Variants in PDE4D observed in about 807,000 individuals in gnomAD.
The protein encoded by PDE4D is 3',5'-cyclic-AMP phosphodiesterase 4D.
PDE4D carries 24 observed loss-of-function variants against 87.4 expected under a neutral mutation model. The observed-to-expected ratio is 0.27, with a 90% confidence interval of 0.20 to 0.39. The LOEUF (loss-of-function observed/expected upper bound fraction) is 0.39. PDE4D is among the 10% of genes least tolerant of loss of function. The pLI is 1.00. For missense variants in PDE4D, 714 were observed against 1,041.0 expected (o/e 0.69, Z 4.32); for synonymous variants, 384 against 383.2 (o/e 1.00, Z -0.02).
chr5:60,188,601 G>C (rs189439031), intron 1 of PDE4D, among the ~76,000 whole-genome samples: 11 of 152,266 alleles, frequency 7.2e-5, no homozygotes, highest in Admixed American at 2.0e-4. Context: ...GGAGAGTGGA[G>C]ATGGAGGGGA....
At chr5:59,174,438 G>C (rs1783502523) in intron 5 of PDE4D, 1 of 152,594 alleles carries the variant, frequency 6.6e-6, no homozygotes. Context: ...CCCCCTACAG[G>C]TAAAGAGCAG....
At chr5:59,895,417 G>A (rs1011662532), upstream of PDE4D, among the ~76,000 whole-genome samples, 2 of 152,190 alleles carry the variant, frequency 1.3e-5, no homozygotes, top group African/African-American at 4.8e-5. Context: ...GAGAAAGGTT[G>A]TGTCTTAAGA....
rs1161027735 is a variant in PDE4D at position 59,762,267 on chromosome 5, T to TGG, written c.455+130900_455+130901insCC. On this transcript the variant is annotated intron_variant, in intron 1 of 14. Transcript: ENST00000340635. ...GTATATGGGTACACATATGCGTATA[T>TGG]GTGTATATGGGTACACATATGCGTA... Among the ~76,000 whole-genome samples, 219 of 50,504 alleles carry TGG rather than the reference T, an allele frequency of 4.3e-3. 40 individuals are homozygous for TGG. The highest frequency in any genetic ancestry group is 3.0e-3 in the Non-Finnish European group (64 of 21,520). 33.1% of individuals were successfully genotyped at this position (50,504 alleles called of 152,430 possible). A position where few individuals can be genotyped will look rare whatever the true frequency, so the allele number is the denominator to read the frequency against.
At chr5:60,169,725 C>A (rs573449169) in intron 2 of PDE4D, among the ~76,000 whole-genome samples, 6 of 152,134 alleles carry the variant, frequency 3.9e-5, no homozygotes, top group Admixed American at 2.0e-4. Context: ...TATAAGCATG[C>A]AAGCATTCCA....
chr5:60,129,461 T>C (rs1303920523), intron 2 of PDE4D, among the ~76,000 whole-genome samples: 2 of 152,206 alleles, frequency 1.3e-5, no homozygotes, highest in African/African-American at 2.4e-5. Flanking sequence ...CAGGTTTAAT[T>C]TCAGTATCTG....
At chr5:59,170,472 C>T (rs929010822) in intron 5 of PDE4D, among the ~76,000 whole-genome samples, 5 of 152,050 alleles carry the variant, frequency 3.3e-5, no homozygotes, top group African/African-American at 7.2e-5. Flanking sequence ...ATTGTTAGGG[C>T]GGGTCTCACC....
intron 1 of PDE4D, among the ~76,000 whole-genome samples, chr5:60,425,924 C>A (rs1233431642): frequency 3.3e-5 from 5 of 152,148 alleles, no homozygotes; most frequent in African/African-American, 9.7e-5. Flanking sequence ...CCAACAGACA[C>A]ATGAAAAAAT....
intron 6 of PDE4D, chr5:59,002,087 C>T (rs753694043): frequency 1.9e-6 from 1 of 514,876 alleles, no homozygotes; most frequent in Non-Finnish European, 3.9e-6. Flanking sequence ...TAATCTGAAT[C>T]CAAATATTTA....
At chr5:60,353,811 A>G (rs1016264090) in intron 1 of PDE4D, among the ~76,000 whole-genome samples, 4 of 152,196 alleles carry the variant, frequency 2.6e-5, no homozygotes, top group Non-Finnish European at 4.4e-5. Context: ...ATACAACACT[A>G]TATATTGACC....
chr5:59,056,840 T>A (rs1253361157), intron 5 of PDE4D, among the ~76,000 whole-genome samples: 1 of 152,138 alleles, frequency 6.6e-6, no homozygotes, highest in Admixed American at 6.5e-5. Flanking sequence ...AAAAATGACT[T>A]TTTAAAGTGG....
intron 1 of PDE4D, chr5:59,797,237 T>C (rs942193288): frequency 1.3e-5 from 2 of 151,988 alleles, no homozygotes; most frequent in African/African-American, 2.4e-5. Context: ...CTGTTGCTTG[T>C]GGGAAATAGA....
chr5:58,991,696 C>G, intron 8 of PDE4D, 136 bp downstream of exon 8: 1 of 512,066 alleles, frequency 2.0e-6, no homozygotes, highest in Non-Finnish European at 3.1e-6. Context: ...TTATAAAATG[C>G]CTTCCCATCT....
chr5:59,461,657 C>T (rs1334083410), intron 1 of PDE4D, among the ~76,000 whole-genome samples: 19 of 152,176 alleles, frequency 1.2e-4, no homozygotes, highest in Non-Finnish European at 1.0e-4. Flanking sequence ...TGTAATTATT[C>T]TCAGTTCAGT....
intron 1 of PDE4D, among the ~76,000 whole-genome samples, chr5:60,208,625 G>A: frequency 6.6e-6 from 1 of 152,170 alleles, no homozygotes; most frequent in East Asian, 1.9e-4. Context: ...CGCCAGTGCT[G>A]CCAGATTTTA....
chr5:59,070,996 G>A (rs1221366144), intron 5 of PDE4D, among the ~76,000 whole-genome samples: 1 of 152,134 alleles, frequency 6.6e-6, no homozygotes, highest in African/African-American at 2.4e-5. Flanking sequence ...AGCTTCCTGA[G>A]TCAGTATGCA....
At chr5:60,154,533 C>CA (rs1399793350) in intron 2 of PDE4D, among the ~76,000 whole-genome samples, 12 of 152,192 alleles carry the variant, frequency 7.9e-5, no homozygotes, top group Admixed American at 2.6e-4. Flanking sequence ...CTCAGCCCCC[C>CA]AAAGTGCTGG....
At chr5:59,686,206 T>C (rs1749832314) in intron 1 of PDE4D, among the ~76,000 whole-genome samples, 1 of 152,144 alleles carries the variant, frequency 6.6e-6, no homozygotes, top group African/African-American at 2.4e-5. Context: ...TATGATTTAA[T>C]AACAGCAGCA....
chr5:60,421,135 T>TG (rs1455189198), intron 1 of PDE4D, among the ~76,000 whole-genome samples: 1 of 152,218 alleles, frequency 6.6e-6, no homozygotes, highest in African/African-American at 2.4e-5. Flanking sequence ...CAGCAGAAGC[T>TG]TCTGCAGACT....
intron 1 of PDE4D, among the ~76,000 whole-genome samples, chr5:60,254,463 G>A (rs1195704372): frequency 1.3e-5 from 2 of 151,900 alleles, no homozygotes; most frequent in African/African-American, 4.8e-5. Context: ...GGTTCCAAGA[G>A]CATATCTTTT....
Sources: gnomAD v4.1 joint callset for allele counts (sites outside exome capture counted in the v4.1 genomes callset) on GRCh38, gnomAD v4.1.1 for gene constraint, MANE v1.5 for transcripts, NCBI Gene and HGNC (gene_info 2026-07-23, HGNC 2026-07-21) for gene names.